Variants in MAEL observed in about 807,000 individuals in gnomAD.
MAEL encodes maelstrom spermatogenic transposon silencer.
MAEL carries 46 observed loss-of-function variants against 62.0 expected under a neutral mutation model. The observed-to-expected ratio is 0.74, with a 90% CI of 0.59 to 0.95. The LOEUF (loss-of-function observed/expected upper bound fraction) is 0.95, where lower values mean the gene tolerates loss of function less well. Ranked by LOEUF, MAEL falls within the 40% of genes least tolerant of loss-of-function variation. The pLI is 0.00. For missense variants in MAEL, 497 were observed against 526.8 expected, an observed-to-expected ratio of 0.94 and a Z score of 0.55; for synonymous variants, 172 against 175.5, an observed-to-expected ratio of 0.98 and a Z score of 0.16.
In MAEL at chr1:166,989,820, A is replaced by G. The variant is rs1458021227; in HGVS notation, c.216A>G (p.Ser72=). Residue 72 remains serine, a synonymous_variant, in exon 2 of 12, where the codon TCA becomes TCG. Coordinates refer to ENST00000367872, the MANE Select transcript of MAEL (RefSeq NM_032858.3). ...CTCAGGGAAAGGACCCTGGGCCCTC[A>G]GAGAAGCAGGTAAAGTTAACGAGAG... The part of the protein sequence containing the change: ...RAAQGKDPGP[S]EKQKPVFTPL... 5 of 1,612,046 alleles carry G rather than the reference A, an allele frequency of 3.1e-6. No homozygotes were observed. Among genetic ancestry groups the G allele is most frequent in the Non-Finnish European group, 4.2e-6 (5 of 1,179,458 alleles).
intron 1 of MAEL, among the ~76,000 whole-genome samples, chr1:166,976,890 C>T (rs184774477): frequency 6.6e-6 from 1 of 152,344 alleles, no homozygotes; most frequent in Non-Finnish European, 1.5e-5. Context: ...GAAATTCCAA[C>T]TGCAGAAGCC....
At chr1:166,996,468 C>A (rs1052189601) in intron 5 of MAEL, among the ~76,000 whole-genome samples, 1 of 152,184 alleles carries the variant, frequency 6.6e-6, no homozygotes, top group Admixed American at 6.5e-5. Context: ...CTTTCAGCTT[C>A]CTATACAAAA....
At chr1:166,976,197 A>G (rs921293573) in intron 1 of MAEL, among the ~76,000 whole-genome samples, 2 of 152,230 alleles carry the variant, frequency 1.3e-5, no homozygotes, top group East Asian at 1.9e-4. Context: ...AATCCATCCA[A>G]CACTTTATAG....
rs1172523532 is a variant in MAEL, at chr1:166,994,359, T to C, written c.523+290T>C. Among the ~76,000 whole-genome samples, 4 of 152,262 alleles carry C rather than the reference T, an allele frequency of 2.6e-5. No homozygotes were observed. The East Asian group carries it at 7.7e-4, about 29-fold the overall frequency. On this transcript the variant is annotated intron_variant, in intron 5 of 11. Coordinates refer to ENST00000367872, the MANE Select transcript of MAEL (RefSeq NM_032858.3). ...GTACTTAGGAAAACCTTTTAAGAGG[T>C]CTCAGATTATCTAGATTTAGGACTG... is the stretch of plus-strand genomic sequence containing the variant.
At chr1:167,004,381 C>G (rs1029614853) in intron 6 of MAEL, 77 bp downstream of exon 6, 2 of 1,401,532 alleles carry the variant, frequency 1.4e-6, no homozygotes, top group Non-Finnish European at 1.9e-6. Context: ...GAATTTTTGC[C>G]TGTGTATTTT....
intron 6 of MAEL, 81 bp from the exon 7 acceptor site, chr1:167,004,990 TGAAAG>T: frequency 7.5e-7 from 1 of 1,335,422 alleles, no homozygotes; most frequent in Non-Finnish European, 1.0e-6. Flanking sequence ...CCCCACATTT[TGAAAG>T]GACAGCATTA....
intron 5 of MAEL, among the ~76,000 whole-genome samples, chr1:166,999,458 G>A (rs1034217819): frequency 1.2e-4 from 18 of 152,342 alleles, no homozygotes; most frequent in African/African-American, 3.6e-4. Flanking sequence ...TGTGAAAGCC[G>A]AGAGAGGTGA....
chr1:166,992,941 T>C, intron 4 of MAEL, 100 bp downstream of exon 4: 1 of 975,882 alleles, frequency 1.0e-6, no homozygotes. Flanking sequence ...CAAGCTCATG[T>C]ACAGCTGTGT....
chr1:166,979,152 A>G (rs1476585265), intron 1 of MAEL, among the ~76,000 whole-genome samples: 1 of 152,204 alleles, frequency 6.6e-6, no homozygotes, highest in African/African-American at 2.4e-5. Context: ...GCTTAACGTG[A>G]GTCTGTTTAA....
intron 3 of MAEL, 114 bp downstream of exon 3, chr1:166,991,591 G>GC: frequency 1.5e-6 from 1 of 651,356 alleles, no homozygotes. Context: ...GTAAATAACT[G>GC]CAAGTGTTAA....
Position 166,989,750 on chromosome 1 carries a change from A to G in MAEL, c.146A>G (p.Glu49Gly), listed in dbSNP as rs144606344. ...CSSDWALLRE[E>G]EKEKYAEMAR... is the part of the protein sequence containing the mutation. ...AATCCCCAAAAGCTTCTGAGGGAGG[A>G]AGAAAAGGAGAAATACGCAGAAATG... Residue 49 changes from glutamate (E) to glycine (G), a missense_variant, in exon 2 of 12, where the codon GAA becomes GGA. Physicochemically the swap from Glu to Gly is moderately conservative, Grantham distance 98. Coordinates refer to ENST00000367872, the MANE Select transcript of MAEL (RefSeq NM_032858.3). The G allele has an allele frequency of 1.1e-5, 17 of 1,613,708 alleles. No homozygotes were observed. Among genetic ancestry groups the G allele is most frequent in the Non-Finnish European group, 1.4e-5 (17 of 1,179,966 alleles).
intron 5 of MAEL, among the ~76,000 whole-genome samples, chr1:166,995,468 G>GACCTCAGGTGATCTGCCT (rs1301245380): frequency 6.6e-6 from 1 of 151,860 alleles, no homozygotes; most frequent in African/African-American, 2.4e-5. Context: ...CAAAACTCCT[G>GACCTCAGGTGATCTGCCT]ACCTCAGGTG....
chr1:167,005,121 A>C lies in MAEL; in HGVS notation c.694A>C (p.Lys232Gln). Residue 232 changes from lysine (K) to glutamine (Q), a missense_variant, in exon 7 of 12, where the codon AAG becomes CAG. Transcript: ENST00000367872. ...RVNWCLKHMA[K>Q]ASEIRQDLQL... is the part of the protein sequence containing the mutation. Reference sequence around the variant, plus strand: ...CAACTGGTGTTTGAAGCATATGGCAAAGGCATCAGGTAAGTAAAACTCTGG... The same window carrying C: ...CAACTGGTGTTTGAAGCATATGGCACAGGCATCAGGTAAGTAAAACTCTGG... The C allele has an allele frequency of 6.2e-7, 1 of 1,613,680 alleles. No homozygotes were observed. Among genetic ancestry groups the C allele is most frequent in the Non-Finnish European group, 8.5e-7 (1 of 1,179,756 alleles).
intron 5 of MAEL, 110 bp downstream of exon 5, chr1:166,994,179 T>G: frequency 9.8e-7 from 1 of 1,018,304 alleles, no homozygotes; most frequent in Non-Finnish European, 1.4e-6. Flanking sequence ...AACTTTAGGT[T>G]ATTGTTAGAG....
chr1:167,006,665 T>C (rs2102103342), intron 8 of MAEL, among the ~76,000 whole-genome samples: 1 of 142,848 alleles, frequency 7.0e-6, no homozygotes, highest in African/African-American at 2.6e-5. Flanking sequence ...AGACAGAGTC[T>C]TGCTGTATCA....
chr1:167,016,132 T>C (rs776729939), intron 8 of MAEL, 90 bp from the exon 9 acceptor site: 1 of 1,177,034 alleles, frequency 8.5e-7, no homozygotes, highest in Non-Finnish European at 1.3e-6. Context: ...AACCTCATTT[T>C]TTAAAAGATT....
chr1:167,014,407 G>C (rs1665293458), intron 8 of MAEL, among the ~76,000 whole-genome samples: 1 of 152,186 alleles, frequency 6.6e-6, no homozygotes, highest in Non-Finnish European at 1.5e-5. Context: ...TAAGGCACTT[G>C]TATGGGAAAG....
At chr1:166,984,000 T>G (rs1307855794) in intron 1 of MAEL, among the ~76,000 whole-genome samples, 1 of 57,012 alleles carries the variant, frequency 1.8e-5, no homozygotes, top group Non-Finnish European at 3.4e-5. Flanking sequence ...AGATCCTGTC[T>G]CAAAAAAAAA....
intron 4 of MAEL, 100 bp from the exon 5 acceptor site, chr1:166,993,928 T>C: frequency 1.3e-6 from 1 of 792,040 alleles, no homozygotes; most frequent in South Asian, 2.0e-5. Flanking sequence ...GTAATAAAAA[T>C]TACCTTTCTG....
Sources: gnomAD v4.1 joint callset for allele counts (sites outside exome capture counted in the v4.1 genomes callset) on GRCh38, gnomAD v4.1.1 for gene constraint, MANE v1.5 for transcripts, NCBI Gene and HGNC (gene_info 2026-07-23, HGNC 2026-07-21) for gene names.